Variants in ABCC6 observed in about 807,000 individuals in gnomAD.
The protein encoded by ABCC6 is ATP binding cassette subfamily C member 6.
Under a neutral mutation model 169.5 loss-of-function variants are expected in ABCC6, and 126 were observed. The observed-to-expected ratio is 0.74, with a 90% CI of 0.64 to 0.86. The LOEUF is 0.86. Among genes scored for constraint, ABCC6 ranks in the 40% least tolerant of loss-of-function variants. The pLI, the probability that ABCC6 is intolerant of heterozygous loss-of-function variation, is 0.00. For synonymous variants in ABCC6, 752 were observed against 814.7 expected, an observed-to-expected ratio of 0.92 and a Z score of 1.31; for missense variants, 1,733 against 1,927.2, an observed-to-expected ratio of 0.90 and a Z score of 1.89.
intron 9 of ABCC6, 87 bp downstream of exon 9, chr16:16,201,914 G>A (rs946048378): frequency 2.8e-5 from 41 of 1,485,556 alleles, no homozygotes; most frequent in Middle Eastern, 1.8e-4. Flanking sequence ...GACTGAATGC[G>A]TTCTCAGCTG....
At chr16:16,174,332 C>A (rs960769030) in intron 20 of ABCC6, among the ~76,000 whole-genome samples, 1 of 152,150 alleles carries the variant, frequency 6.6e-6, no homozygotes, top group African/African-American at 2.4e-5. Flanking sequence ...GTTTCTGTAC[C>A]TCACTTCTGT....
At chr16:16,200,620 G>C (rs1453523700) in intron 9 of ABCC6, among the ~76,000 whole-genome samples, 1 of 135,990 alleles carries the variant, frequency 7.4e-6, no homozygotes, top group Non-Finnish European at 1.7e-5. Context: ...GCTCTGGCAT[G>C]CTCAGGGGAA....
intron 9 of ABCC6, among the ~76,000 whole-genome samples, chr16:16,199,213 A>G (rs2048158205): frequency 6.7e-6 from 1 of 149,224 alleles, no homozygotes; most frequent in South Asian, 2.1e-4. Flanking sequence ...TTCTCTCACC[A>G]AGGAAAATAC....
chr16:16,221,894 C>A (rs999313151), intron 1 of ABCC6, 63 bp from the exon 2 acceptor site: 3 of 1,611,772 alleles, frequency 1.9e-6, no homozygotes, highest in Middle Eastern at 2.2e-4. Context: ...CTCACCTGCC[C>A]AGGGGGCCAG....
chr16:16,204,960 C>G (rs948158968), intron 7 of ABCC6, among the ~76,000 whole-genome samples: 13 of 151,908 alleles, frequency 8.6e-5, no homozygotes, highest in African/African-American at 2.4e-4. Flanking sequence ...CTCAGCCTCC[C>G]AAGTAGCTGG....
At chr16:16,223,250 C>T (rs2049129669) in intron 1 of ABCC6, 149 bp downstream of exon 1, 1 of 621,642 alleles carries the variant, frequency 1.6e-6, no homozygotes, top group African/African-American at 1.9e-5. Flanking sequence ...GAAATCCAAC[C>T]CGCTGCAGTG....
intron 13 of ABCC6, among the ~76,000 whole-genome samples, chr16:16,188,051 A>G (rs1027825773): frequency 3.9e-5 from 6 of 151,910 alleles, no homozygotes; most frequent in East Asian, 1.9e-4. Context: ...GGCCTGGCCA[A>G]CATGGTGAAA....
chr16:16,201,049 C>A (rs142366386), intron 9 of ABCC6, among the ~76,000 whole-genome samples: 1 of 152,308 alleles, frequency 6.6e-6, no homozygotes, highest in Non-Finnish European at 1.5e-5. Flanking sequence ...TCACTGCAAC[C>A]TCCACCTCCC....
intron 22 of ABCC6, among the ~76,000 whole-genome samples, chr16:16,168,174 T>G (rs980784788): frequency 5.0e-4 from 5 of 9,950 alleles, no homozygotes; most frequent in Admixed American, 1.3e-3. Context: ...CGAATCAACA[T>G]GAAAACGAGG....
intron 9 of ABCC6, among the ~76,000 whole-genome samples, chr16:16,201,209 C>A (rs1182259297): frequency 6.6e-6 from 1 of 152,114 alleles, no homozygotes; most frequent in Non-Finnish European, 1.5e-5. Flanking sequence ...TCAAGTGATC[C>A]GCCTGTCTCA....
chr16:16,192,982 G>C, intron 10 of ABCC6, 60 bp from the exon 11 acceptor site: 1 of 1,420,894 alleles, frequency 7.0e-7, no homozygotes, highest in Non-Finnish European at 9.9e-7. Context: ...TCAGAGGCAC[G>C]TGAACCAGAG....
rs139978668 is a variant in ABCC6 at position 16,154,750 on chromosome 16, C to T, written c.4086G>A (p.Leu1362=). Residue 1362 remains leucine (L), a synonymous_variant, in exon 29 of 31, where the codon CTG becomes CTA. Coordinates refer to ENST00000205557, the MANE Select transcript of ABCC6 (RefSeq NM_001171.6). ...TAGCCTCGTCCGAGTGCTCCTGCAG[C>T]AGGTCGAGGTTCATCCGCAGAGAGC... ...FPGSLRMNLD[L]LQEHSDEAIW... is the part of the protein sequence containing the mutation. 5.6e-6 allele frequency: 9 copies of T among 1,612,856 alleles called. No individual in the cohort carries two copies. In the African/African-American group the frequency reaches 1.2e-4, roughly 22 times the overall value.
chr16:16,185,664 A>C (rs1024499806), intron 14 of ABCC6, among the ~76,000 whole-genome samples: 2 of 152,168 alleles, frequency 1.3e-5, no homozygotes, highest in Admixed American at 1.3e-4. Flanking sequence ...GGGCGCCTGT[A>C]ATCACAGCTA....
chr16:16,187,563 A>G (rs371076043), intron 13 of ABCC6, among the ~76,000 whole-genome samples: 1 of 152,242 alleles, frequency 6.6e-6, no homozygotes, highest in African/African-American at 2.4e-5. Flanking sequence ...TCTCCCAGTC[A>G]CAAACCCATC....
intron 23 of ABCC6, among the ~76,000 whole-genome samples, chr16:16,164,968 T>C (rs995895327): frequency 6.6e-6 from 1 of 152,214 alleles, no homozygotes; most frequent in Non-Finnish European, 1.5e-5. Flanking sequence ...CTAATTTTAG[T>C]TGGTTGCTGG....
intron 29 of ABCC6, 58 bp from the exon 30 acceptor site, chr16:16,150,830 TGG>T (rs749477982): frequency 6.3e-7 from 1 of 1,587,660 alleles, no homozygotes; most frequent in East Asian, 2.3e-5. Context: ...TGGTGATGTG[TGG>T]GTGTGCCCAG....
At chr16:16,170,919 C>CAA (rs1220574453) in intron 21 of ABCC6, among the ~76,000 whole-genome samples, 13 of 22,144 alleles carry the variant, frequency 5.9e-4, no homozygotes, top group African/African-American at 9.5e-4. Flanking sequence ...AACTCTGTCT[C>CAA]AAAAAAAAAA....
intron 17 of ABCC6, among the ~76,000 whole-genome samples, chr16:16,182,196 T>G (rs1049142136): frequency 1.3e-5 from 2 of 152,160 alleles, no homozygotes; most frequent in Non-Finnish European, 2.9e-5. Context: ...CTGCCACAAC[T>G]CCCTGCCTCT....
At chr16:16,181,268 A>G (rs536764030) in intron 17 of ABCC6, among the ~76,000 whole-genome samples, 13 of 150,554 alleles carry the variant, frequency 8.6e-5, no homozygotes, top group South Asian at 2.2e-4. Context: ...GCTTGAACTC[A>G]GGAGGTGGAG....
Sources: allele counts gnomAD v4.1 joint callset (sites outside exome capture counted in the v4.1 genomes callset), GRCh38; gene constraint gnomAD v4.1.1; transcripts MANE v1.5; gene names NCBI Gene and HGNC (gene_info 2026-07-23, HGNC 2026-07-21).